FANCG: variants seen among roughly 807,000 people sequenced by gnomAD.
FANCG encodes the protein FA complementation group G.
A neutral mutation model predicts 73.3 loss-of-function variants in FANCG; 67 were observed. The ratio of observed to expected loss-of-function variants is 0.91; its 90% CI spans 0.75 to 1.12. FANCG has a LOEUF of 1.12. Ranked by LOEUF, FANCG falls within the 50% of genes most tolerant of loss-of-function variation. The probability of loss-of-function intolerance (pLI) is 0.00; values close to 1 mark genes in which losing one functional copy is unlikely to be tolerated. For missense variants in FANCG, 643 were observed against 735.6 expected, an observed-to-expected ratio of 0.87 and a Z score of 1.46; for synonymous variants, 297 against 311.6, an observed-to-expected ratio of 0.95 and a Z score of 0.49.
intron 13 of FANCG, 59 bp downstream of exon 13, chr9:35,074,312 C>T: frequency 6.2e-7 from 1 of 1,614,004 alleles, no homozygotes; most frequent in South Asian, 1.1e-5. Context: ...CACAATAGGT[C>T]CAAGGACTCT....
Position 35,075,573 on chromosome 9 carries a change from G to T in FANCG, c.1325C>A (p.Thr442Asn), listed in dbSNP as rs897901007. 1 of 1,614,010 alleles carries T rather than the reference G, an allele frequency of 6.2e-7. No individual in the cohort carries two copies. Among genetic ancestry groups the T allele is most frequent in the African/African-American group, 1.3e-5 (1 of 74,886 alleles). ...SRLWEDARKG[T>N]KELPYCPLWV... Reference sequence around the variant, plus strand: ...GAGTGGGCAGTATGGCAGTTCCTTGGTTCCTTTTCTGGCATCTTCCCACAG... The same window carrying T: ...GAGTGGGCAGTATGGCAGTTCCTTGTTTCCTTTTCTGGCATCTTCCCACAG... Residue 442 changes from threonine to asparagine, a missense_variant, in exon 10 of 14, where the codon ACC becomes AAC. Coordinates refer to ENST00000378643, the MANE Select transcript of FANCG (RefSeq NM_004629.2).
chr9:35,079,933 T>G lies in FANCG; in HGVS notation c.-409A>C. On this transcript the variant is annotated 5_prime_UTR_variant, in exon 1 of 14. Coordinates refer to ENST00000378643, the MANE Select transcript of FANCG (RefSeq NM_004629.2). The stretch of plus-strand genomic sequence containing the variant: ...CTCGGCTCTCGCGGAGGCCACAGCC[T>G]CGAGAAAGGGTGGGCGGGAGCGAGT... 3 of 387,818 alleles carry G rather than the reference T, an allele frequency of 7.7e-6. No homozygotes were observed. In the South Asian group the frequency reaches 8.2e-5, roughly 11 times the overall value. The allele number at this position is 387,818 out of a possible 1,614,324, so 24.0% of individuals were successfully genotyped here.
intron 12 of FANCG, 140 bp downstream of exon 12, chr9:35,074,787 A>G: frequency 9.0e-7 from 1 of 1,107,184 alleles, no homozygotes; most frequent in Non-Finnish European, 1.4e-6. Context: ...ACCTGGATAT[A>G]TCCCTAGGTA....
At position 35,075,587 on chromosome 9, in the gene FANCG, A is replaced by G. The variant is rs772794286; in HGVS notation, c.1311T>C (p.Asp437=). 1.2e-6 allele frequency: 2 copies of G among 1,614,090 alleles called. No homozygotes were observed. Among genetic ancestry groups the G allele is most frequent in the Admixed American group, 1.7e-5 (1 of 60,026 alleles). Residue 437 remains aspartate, a synonymous_variant, in exon 10 of 14, where the codon GAT becomes GAC. Coordinates refer to ENST00000378643, the MANE Select transcript of FANCG (RefSeq NM_004629.2). The part of the protein sequence containing the change: ...LLPKMSRLWE[D]ARKGTKELPY... ...GCAGTTCCTTGGTTCCTTTTCTGGCATCTTCCCACAGCCGGGACATCTTGG... is the reference window on the plus strand; with the variant it reads ...GCAGTTCCTTGGTTCCTTTTCTGGCGTCTTCCCACAGCCGGGACATCTTGG...
At chr9:35,076,092 G>A (rs1829078127) in intron 8 of FANCG, 64 bp from the exon 9 acceptor site, 2 of 1,474,684 alleles carry the variant, frequency 1.4e-6, no homozygotes, top group African/African-American at 1.4e-5. Context: ...AGGGTCCTGA[G>A]AATGTTCTCT....
At chr9:35,078,779 A>C (rs776489860) in intron 2 of FANCG, 43 bp from the exon 3 acceptor site, 1 of 1,613,476 alleles carries the variant, frequency 6.2e-7, no homozygotes, top group East Asian at 2.2e-5. Flanking sequence ...CCCCCATGGA[A>C]GATCCTCCAA....
intron 13 of FANCG, 58 bp downstream of exon 13, chr9:35,074,313 C>G: frequency 6.2e-7 from 1 of 1,614,038 alleles, no homozygotes; most frequent in South Asian, 1.1e-5. Flanking sequence ...ACAATAGGTC[C>G]AAGGACTCTA....
chr9:35,075,210 A>G, intron 11 of FANCG, 69 bp downstream of exon 11: 1 of 1,605,378 alleles, frequency 6.2e-7, no homozygotes, highest in Non-Finnish European at 8.5e-7. Context: ...GCTGGGACAC[A>G]TTAAAGGGAA....
rs367712455 is a variant in FANCG, at chr9:35,077,445, C to G, written c.511-46G>C. 28 of 1,612,780 alleles carry G rather than the reference C, an allele frequency of 1.7e-5. No homozygotes were observed. The African/African-American group carries it at 2.4e-4, about 14-fold the overall frequency. Reference sequence around the variant, plus strand: ...AGAAGCTCCAAGCCTACAACCTCCTCGTCTTCTCCTATCTCCATCTATCCT... The same window carrying G: ...AGAAGCTCCAAGCCTACAACCTCCTGGTCTTCTCCTATCTCCATCTATCCT... On this transcript the variant is annotated intron_variant, in intron 4 of 13. Coordinates refer to ENST00000378643, the MANE Select transcript of FANCG (RefSeq NM_004629.2).
chr9:35,079,310 G>T (rs978433444), intron 1 of FANCG, 69 bp from the exon 2 acceptor site: 2 of 1,544,152 alleles, frequency 1.3e-6, no homozygotes, highest in Non-Finnish European at 8.9e-7. Flanking sequence ...AGTGGCAAGG[G>T]ATGCATTCTC....
rs1829068151 is a variant in FANCG, at chr9:35,075,638, C to G, written c.1260G>C (p.Leu420Phe). 1 of 1,613,642 alleles carries G rather than the reference C, an allele frequency of 6.2e-7. No homozygotes were observed. The highest frequency in any genetic ancestry group is 8.5e-7 in the Non-Finnish European group (1 of 1,179,982). The change falls in exon 10 of 14, where the codon TTG becomes TTC. Residue 420 changes from leucine (L) to phenylalanine (F), a missense_variant. Leu to Phe is a conservative substitution (Grantham distance 22). Coordinates refer to ENST00000378643, the MANE Select transcript of FANCG (RefSeq NM_004629.2). ...GTAGCAGAGATGATGTGCGGCTGAG[C>G]AACTCCTCACATAGAGTCAAGGCAT... ...AQDALTLCEE[L>F]LSRTSSLLPK...
intron 1 of FANCG, 46 bp downstream of exon 1, chr9:35,079,395 C>T (rs2131060122): frequency 1.9e-6 from 3 of 1,609,410 alleles, no homozygotes; most frequent in Non-Finnish European, 2.6e-6. Context: ...AACCCGCTTT[C>T]AGGGATCTTG....
intron 8 of FANCG, 157 bp from the exon 9 acceptor site, chr9:35,076,185 G>A: frequency 1.2e-6 from 1 of 846,094 alleles, no homozygotes; most frequent in Middle Eastern, 2.8e-4. Context: ...GGCTCAGTAT[G>A]GATCTACCCC....
chr9:35,075,736 G>T lies in FANCG; in HGVS notation c.1162C>A (p.Pro388Thr). 4.8e-6 allele frequency: 3 copies of T among 621,842 alleles called. No individual in the cohort carries two copies. The highest frequency in any genetic ancestry group is 2.8e-5 in the South Asian group (2 of 71,612). The allele number at this position is 621,842 out of a possible 1,614,324, so 38.5% of individuals were successfully genotyped here. ...SEPRFSPPPS[P>T]PGPCMPEVFL... is the part of the protein sequence containing the mutation. Reference sequence around the variant, plus strand: ...ACCTCAGGCATACAGGGCCCTGGAGGGGAGGGGGGTGGGGAGAACTGGAGT... The same window carrying T: ...ACCTCAGGCATACAGGGCCCTGGAGTGGAGGGGGGTGGGGAGAACTGGAGT... Residue 388 changes from proline (P) to threonine (T), a missense_variant, in exon 10 of 14, where the codon CCT becomes ACT. Physicochemically the swap from Pro to Thr is conservative, Grantham distance 38. Transcript: ENST00000378643.
At position 35,074,176 on chromosome 9, in the gene FANCG, G is replaced by A. The variant is rs368098479; in HGVS notation, c.1801C>T (p.Arg601Cys). The A allele has an allele frequency of 8.6e-5, 138 of 1,613,920 alleles. No individual in the cohort carries two copies. The highest frequency in any genetic ancestry group is 1.1e-4 in the Non-Finnish European group (127 of 1,179,872). ...LYLESYLSWIRPSDRDAFLEE... is the reference protein window; with the variant it reads ...LYLESYLSWICPSDRDAFLEE... ...AGGAAGGCGTCACGATCAGAGGGAC[G>A]GATCCAGCTCAAATAGCTTTCTAGG... The change falls in exon 14 of 14, where the codon CGT (arginine) becomes TGT (cysteine). Residue 601 changes from arginine (R) to cysteine (C), a missense_variant. Transcript: ENST00000378643.
chr9:35,078,917 C>T (rs1009118263), intron 2 of FANCG, among the ~76,000 whole-genome samples, 181 bp from the exon 3 acceptor site: 4 of 152,138 alleles, frequency 2.6e-5, no homozygotes, highest in African/African-American at 9.7e-5. Context: ...CTGGAAAGGG[C>T]AAAAAAGTTA....
At chr9:35,078,367 A>G (rs1383156294) in intron 3 of FANCG, 24 bp from the exon 4 acceptor site, 1 of 1,608,196 alleles carries the variant, frequency 6.2e-7, no homozygotes, top group African/African-American at 1.3e-5. Context: ...ACACACACAT[A>G]GACACACACA....
intron 2 of FANCG, 63 bp downstream of exon 2, chr9:35,079,088 G>A: frequency 7.2e-7 from 1 of 1,396,670 alleles, no homozygotes; most frequent in Non-Finnish European, 9.9e-7. Flanking sequence ...CAAAAACGCA[G>A]GAGCGGATGT....
chr9:35,079,769 G>A lies in FANCG; in HGVS notation c.-245C>T. On this transcript the variant is annotated 5_prime_UTR_variant, in exon 1 of 14. Transcript: ENST00000378643. ...GGCCGGGTCTGCGAAGCTCTGGGCT[G>A]CGGTTGGTCCTCTTGAAGAGTTAGT... 1.7e-6 allele frequency: 1 copy of A among 572,738 alleles called. No individual in the cohort carries two copies. Among genetic ancestry groups the A allele is most frequent in the East Asian group, 3.0e-5 (1 of 33,874 alleles). The allele number at this position is 572,738 out of a possible 1,614,324, so 35.5% of individuals were successfully genotyped here.
Sources: allele counts gnomAD v4.1 joint callset (sites outside exome capture counted in the v4.1 genomes callset), GRCh38; gene constraint gnomAD v4.1.1; transcripts MANE v1.5; gene names NCBI Gene and HGNC (gene_info 2026-07-23, HGNC 2026-07-21).